Variants in PTPRK observed in about 807,000 individuals in gnomAD.
PTPRK encodes the protein protein tyrosine phosphatase receptor type K.
PTPRK carries 75 observed loss-of-function variants against 178.0 expected under a neutral mutation model. That is an observed-to-expected ratio of 0.42 (90% CI 0.35 to 0.51). PTPRK has a LOEUF of 0.51. Ranked by LOEUF, PTPRK falls within the 20% of genes least tolerant of loss-of-function variation. The pLI, the probability that PTPRK is intolerant of heterozygous loss-of-function variation, is 0.02. For missense variants in PTPRK, 1,441 were observed against 1,797.8 expected (o/e 0.80, Z 3.59); for synonymous variants, 637 against 620.6 (o/e 1.03, Z -0.39).
At chr6:128,272,806 C>A (rs966941033) in intron 3 of PTPRK, among the ~76,000 whole-genome samples, 1 of 152,110 alleles carries the variant, frequency 6.6e-6, no homozygotes, top group African/African-American at 2.4e-5. Flanking sequence ...TGTGGTGATT[C>A]CTCAAGGATC....
intron 5 of PTPRK, chr6:128,235,594 A>G: frequency 2.0e-6 from 1 of 507,598 alleles, no homozygotes; most frequent in South Asian, 1.5e-5. Context: ...TGTCAATCAC[A>G]GTCTGAAAAT....
chr6:128,397,499 T>G, intron 2 of PTPRK, 67 bp downstream of exon 2: 1 of 1,566,008 alleles, frequency 6.4e-7, no homozygotes, highest in Non-Finnish European at 8.7e-7. Context: ...TGTTACACTT[T>G]AAATAAGAAA....
Position 127,985,740 on chromosome 6 carries a change from G to C in PTPRK, c.3232C>G (p.Pro1078Ala). ...VKLSNPPSAGPIVVHCSAGAG... is the reference protein window; with the variant it reads ...VKLSNPPSAGAIVVHCSAGAG... ...ACTTACCTGCAATGTACAACGATGG[G>C]GCCAGCACTGGGAGGGTTTGATAAC... The change falls in exon 22 of 30, where the codon CCC (proline) becomes GCC (alanine). Residue 1078 changes from proline (P) to alanine (A), a missense_variant. Coordinates refer to ENST00000368226, the MANE Select transcript of PTPRK (RefSeq NM_002844.4). The C allele has an allele frequency of 6.2e-7, 1 of 1,613,538 alleles. No homozygotes were observed. Among genetic ancestry groups the C allele is most frequent in the South Asian group, 1.1e-5 (1 of 91,038 alleles).
chr6:128,150,842 A>G (rs1313891358), intron 7 of PTPRK, among the ~76,000 whole-genome samples: 1 of 152,132 alleles, frequency 6.6e-6, no homozygotes, highest in African/African-American at 2.4e-5. Flanking sequence ...TCATTATAGG[A>G]GGATGAAAAT....
chr6:128,236,523 A>G (rs1215040357), intron 5 of PTPRK, among the ~76,000 whole-genome samples: 1 of 151,604 alleles, frequency 6.6e-6, no homozygotes, highest in African/African-American at 2.4e-5. Flanking sequence ...TAATTTTTGT[A>G]TTTTTAGTAG....
At chr6:128,265,251 G>A (rs1768353) in intron 3 of PTPRK, among the ~76,000 whole-genome samples, 9,061 of 152,134 alleles carry the variant, frequency 0.06, 748 homozygotes, top group African/African-American at 0.19. Flanking sequence ...CACCACAAAA[G>A]CTACATGATT....
At chr6:128,238,392 CA>C (rs1342838284) in intron 5 of PTPRK, among the ~76,000 whole-genome samples, 1 of 151,910 alleles carries the variant, frequency 6.6e-6, no homozygotes, top group Non-Finnish European at 1.5e-5. Flanking sequence ...ACCACCCACT[CA>C]GACCAGCAGG....
intron 7 of PTPRK, among the ~76,000 whole-genome samples, chr6:128,171,673 A>G (rs1329372834): frequency 6.6e-6 from 1 of 151,966 alleles, no homozygotes; most frequent in Non-Finnish European, 1.5e-5. Flanking sequence ...TGAAGTAGAC[A>G]TTGATTTCTC....
At chr6:128,177,569 A>G (rs1161748729) in intron 7 of PTPRK, among the ~76,000 whole-genome samples, 1 of 151,794 alleles carries the variant, frequency 6.6e-6, no homozygotes, top group Non-Finnish European at 1.5e-5. Context: ...AGATGACACA[A>G]TTTTAAGGTG....
chr6:128,464,812 G>C (rs1341608597), intron 1 of PTPRK, among the ~76,000 whole-genome samples: 1 of 144,876 alleles, frequency 6.9e-6, no homozygotes, highest in Non-Finnish European at 1.5e-5. Context: ...TAATTTAGAA[G>C]AAAATAAAAT....
Position 128,211,045 on chromosome 6 carries a change from A to G in PTPRK, c.868+7877T>C, listed in dbSNP as rs184180645. 2.6e-4 allele frequency among the ~76,000 whole-genome samples: 39 copies of G among 152,284 alleles called. 1 individual carries two copies. The East Asian group carries it at 2.9e-3, about 11-fold the overall frequency. On this transcript the variant is annotated intron_variant, in intron 6 of 29. Coordinates refer to ENST00000368226, the MANE Select transcript of PTPRK (RefSeq NM_002844.4). Reference sequence around the variant, plus strand: ...AGAAAGTTATGTGCCTATAACAAGGATAAATTATATCCTAAAGTGTAAAAG... The same window carrying G: ...AGAAAGTTATGTGCCTATAACAAGGGTAAATTATATCCTAAAGTGTAAAAG...
intron 3 of PTPRK, among the ~76,000 whole-genome samples, chr6:128,282,238 ACT>A (rs1821793642): frequency 2.0e-5 from 3 of 152,160 alleles, no homozygotes; most frequent in African/African-American, 4.8e-5. Context: ...TCCACATCAA[ACT>A]CTGCAAAAGC....
chr6:128,076,303 C>T (rs1020052297), intron 11 of PTPRK, among the ~76,000 whole-genome samples: 1 of 151,914 alleles, frequency 6.6e-6, no homozygotes, highest in Non-Finnish European at 1.5e-5. Flanking sequence ...GGTAGGGAGA[C>T]TGAAAGTAGG....
chr6:128,105,153 A>C (rs1440766239), intron 7 of PTPRK, among the ~76,000 whole-genome samples: 1 of 141,100 alleles, frequency 7.1e-6, no homozygotes, highest in African/African-American at 2.7e-5. Flanking sequence ...TTTTCTTTTG[A>C]GACGGAGTCT....
At chr6:128,148,697 C>T (rs1796840355) in intron 7 of PTPRK, among the ~76,000 whole-genome samples, 1 of 152,076 alleles carries the variant, frequency 6.6e-6, no homozygotes, top group Non-Finnish European at 1.5e-5. Flanking sequence ...CAAGGACTGG[C>T]TGATTGCACA....
At chr6:128,093,006 G>A (rs976574456) in intron 7 of PTPRK, among the ~76,000 whole-genome samples, 2 of 151,978 alleles carry the variant, frequency 1.3e-5, no homozygotes, top group East Asian at 1.9e-4. Flanking sequence ...TAACCTACAG[G>A]GTCAGTGACT....
At chr6:128,011,374 T>A (rs541939138) in intron 13 of PTPRK, among the ~76,000 whole-genome samples, 39 of 151,306 alleles carry the variant, frequency 2.6e-4, no homozygotes, top group African/African-American at 8.9e-4. Flanking sequence ...TTCTGAAAAT[T>A]CTCTGGAAGA....
At chr6:128,433,929 G>T (rs993841497) in intron 1 of PTPRK, among the ~76,000 whole-genome samples, 1 of 149,680 alleles carries the variant, frequency 6.7e-6, no homozygotes, top group Non-Finnish European at 1.5e-5. Flanking sequence ...CAGTCCAAAA[G>T]CCATAAAGAA....
chr6:128,443,961 T>C (rs1846616699), intron 1 of PTPRK, among the ~76,000 whole-genome samples: 2 of 152,140 alleles, frequency 1.3e-5, no homozygotes, highest in Admixed American at 1.3e-4. Flanking sequence ...CAAGCAATTC[T>C]CCTGCCTCAG....
Sources: allele counts gnomAD v4.1 joint callset (sites outside exome capture counted in the v4.1 genomes callset), GRCh38; gene constraint gnomAD v4.1.1; transcripts MANE v1.5; gene names NCBI Gene and HGNC (gene_info 2026-07-23, HGNC 2026-07-21).